Variants in GP9 observed in about 807,000 individuals in gnomAD.
The protein encoded by GP9 is platelet glycoprotein IX.
For missense variants in GP9, 228 were observed against 241.8 expected (o/e 0.94, Z 0.38); for synonymous variants, 116 against 116.7 (o/e 0.99, Z 0.04).
the GP9 span, among the ~76,000 whole-genome samples, chr3:129,055,002 C>T: frequency 6.6e-6 from 1 of 152,188 alleles, no homozygotes; most frequent in African/African-American, 2.4e-5. Context: ...CTGGCATGGC[C>T]TTAGGTTCTG....
upstream of GP9, among the ~76,000 whole-genome samples, chr3:129,058,723 G>C (rs1200283088): frequency 6.6e-6 from 1 of 152,234 alleles, no homozygotes; most frequent in African/African-American, 2.4e-5. Flanking sequence ...AAGTGCAGTT[G>C]CCAAAAGCCC....
Position 129,062,337 on chromosome 3 carries a change from T to A in GP9, c.*64T>A, listed in dbSNP as rs1946590450. ...CAGTCCCTGAGGCAGGTCCCCAGAC[T>A]CCACCAAGCCTGGTCAGCCCAAACC... is the stretch of plus-strand genomic sequence containing the variant. On this transcript the variant is annotated 3_prime_UTR_variant, in exon 3 of 3. Coordinates refer to ENST00000307395, the MANE Select transcript of GP9 (RefSeq NM_000174.5). 8.3e-7 allele frequency: 1 copy of A among 1,203,904 alleles called. No homozygotes were observed. The highest frequency in any genetic ancestry group is 1.2e-6 in the Non-Finnish European group (1 of 852,450). 74.6% of individuals were successfully genotyped at this position (1,203,904 alleles called of 1,614,324 possible).
At chr3:129,058,349 C>A (rs1946539720), upstream of GP9, among the ~76,000 whole-genome samples, 1 of 152,258 alleles carries the variant, frequency 6.6e-6, no homozygotes. Context: ...CTTCATCACA[C>A]AGCTCCTGTG....
At chr3:129,059,678 C>T (rs1290879523), upstream of GP9, among the ~76,000 whole-genome samples, 3 of 152,156 alleles carry the variant, frequency 2.0e-5, no homozygotes, top group East Asian at 5.8e-4. Context: ...GGAGGGTGAA[C>T]ACCCAAATCC....
chr3:129,061,310 G>A (rs190209441), intron 1 of GP9, among the ~76,000 whole-genome samples, 184 bp from the exon 2 acceptor site: 3 of 152,292 alleles, frequency 2.0e-5, no homozygotes, highest in Admixed American at 1.3e-4. Flanking sequence ...TAGCTGGTGG[G>A]GGGTGCTGGG....
rs1327773660 is a variant in GP9, at chr3:129,062,238, G to A, written c.499G>A (p.Gly167Ser). 1 of 1,559,192 alleles carries A rather than the reference G, an allele frequency of 6.4e-7. No homozygotes were observed. The highest frequency in any genetic ancestry group is 2.4e-5 in the East Asian group (1 of 42,248). ...CGCGCTGGGCCTGGCTCTTCTGGCT[G>A]GCCTGCTGTGTGCCACCACAGAGGC... The part of the protein sequence containing the change: ...VAALGLALLA[G>S]LLCATTEALD Residue 167 changes from glycine (G) to serine (S), a missense_variant, in exon 3 of 3, where the codon GGC becomes AGC. Transcript: ENST00000307395.
chr3:129,056,780 G>T (rs1171301861), upstream of GP9, among the ~76,000 whole-genome samples: 1 of 152,178 alleles, frequency 6.6e-6, no homozygotes, highest in Non-Finnish European at 1.5e-5. Flanking sequence ...AAATTCCACA[G>T]GGCTCCAGAA....
upstream of GP9, chr3:129,060,732 T>G (rs1351142050): frequency 6.6e-6 from 1 of 152,472 alleles, no homozygotes; most frequent in Non-Finnish European, 1.5e-5. Flanking sequence ...GCTATTTTCA[T>G]CACTTCCTTC....
At chr3:129,061,030 G>A (rs990002465) in intron 1 of GP9, among the ~76,000 whole-genome samples, 180 bp downstream of exon 1, 1 of 152,236 alleles carries the variant, frequency 6.6e-6, no homozygotes, top group African/African-American at 2.4e-5. Context: ...TGTGGGTAGG[G>A]GGAGCTCTGC....
At position 129,061,833 on chromosome 3, in the gene GP9, A is replaced by T; in HGVS notation, c.94A>T (p.Met32Leu). The change falls in exon 3 of 3, where the codon ATG becomes TTG. Residue 32 changes from methionine (M) to leucine (L), a missense_variant. Transcript: ENST00000307395. Reference protein sequence around the residue: ...SPCTCRALETMGLWVDCRGHG... With the variant: ...SPCTCRALETLGLWVDCRGHG... ...ATGTACCTGCCGCGCCCTGGAAACCATGGGGCTGTGGGTGGACTGCAGGGG... is the reference window on the plus strand; with the variant it reads ...ATGTACCTGCCGCGCCCTGGAAACCTTGGGGCTGTGGGTGGACTGCAGGGG... 1 of 1,612,736 alleles carries T rather than the reference A, an allele frequency of 6.2e-7. No individual in the cohort carries two copies. Among genetic ancestry groups the T allele is most frequent in the Non-Finnish European group, 8.5e-7 (1 of 1,179,562 alleles).
In GP9 at chr3:129,062,169, G is replaced by C; in HGVS notation, c.430G>C (p.Val144Leu). The C allele has an allele frequency of 1.3e-6, 2 of 1,578,096 alleles. No individual in the cohort carries two copies. The highest frequency in any genetic ancestry group is 1.7e-6 in the Non-Finnish European group (2 of 1,166,360). ...SCGWQLQASWVRPGVLWDVAL... is the reference protein window; with the variant it reads ...SCGWQLQASWLRPGVLWDVAL... ...TGGCTGGCAGCTGCAGGCGTCCTGGGTGCGCCCGGGGGTCTTGTGGGACGT... is the reference window on the plus strand; with the variant it reads ...TGGCTGGCAGCTGCAGGCGTCCTGGCTGCGCCCGGGGGTCTTGTGGGACGT... Residue 144 changes from valine to leucine, a missense_variant, in exon 3 of 3, where the codon GTG becomes CTG. Coordinates refer to ENST00000307395, the MANE Select transcript of GP9 (RefSeq NM_000174.5).
upstream of GP9, among the ~76,000 whole-genome samples, chr3:129,057,283 T>C (rs1432638164): frequency 6.6e-6 from 1 of 152,124 alleles, no homozygotes; most frequent in Non-Finnish European, 1.5e-5. Flanking sequence ...TACAGAAGGA[T>C]GGAGCTGTGC....
Position 129,062,177 on chromosome 3 carries a change from G to T in GP9, c.438G>T (p.Pro146=), listed in dbSNP as rs767278544. 6.3e-7 allele frequency: 1 copy of T among 1,575,748 alleles called. No individual in the cohort carries two copies. Among genetic ancestry groups the T allele is most frequent in the South Asian group, 1.1e-5 (1 of 87,422 alleles). ...GWQLQASWVR[P]GVLWDVALVA... is the part of the protein sequence containing the mutation. ...AGCTGCAGGCGTCCTGGGTGCGCCC[G>T]GGGGTCTTGTGGGACGTGGCGCTGG... Residue 146 remains proline (P), a synonymous_variant, in exon 3 of 3, where the codon CCG becomes CCT. Transcript: ENST00000307395.
upstream of GP9, among the ~76,000 whole-genome samples, chr3:129,059,373 C>T (rs747677734): frequency 6.6e-6 from 1 of 152,202 alleles, no homozygotes; most frequent in Admixed American, 6.5e-5. Context: ...TCCAGAACCC[C>T]TTACCCACCT....
intron 2 of GP9, 53 bp downstream of exon 2, chr3:129,061,672 T>C: frequency 1.0e-5 from 14 of 1,349,748 alleles, no homozygotes; most frequent in Non-Finnish European, 1.5e-5. Flanking sequence ...GTGCTTGCCG[T>C]CCCTGAGGAT....
At chr3:129,054,856 T>C in the GP9 span, among the ~76,000 whole-genome samples, 1 of 152,228 alleles carries the variant, frequency 6.6e-6, no homozygotes, top group Non-Finnish European at 1.5e-5. Flanking sequence ...TAGTCACATC[T>C]GGTGGAACTG....
chr3:129,054,946 G>A, the GP9 span, among the ~76,000 whole-genome samples: 1 of 152,234 alleles, frequency 6.6e-6, no homozygotes, highest in African/African-American at 2.4e-5. Context: ...GTGGCAGTGA[G>A]AACAGGTTCA....
upstream of GP9, among the ~76,000 whole-genome samples, chr3:129,059,892 C>T (rs1012170544): frequency 6.6e-6 from 1 of 152,198 alleles, no homozygotes; most frequent in African/African-American, 2.4e-5. Flanking sequence ...CGTTTAAAGC[C>T]TCCGTCAGCC....
rs368116821 is a variant in GP9, at chr3:129,062,094, G to A, written c.355G>A (p.Ala119Thr). 3.2e-5 allele frequency: 51 copies of A among 1,605,890 alleles called. No individual in the cohort carries two copies. The highest frequency in any genetic ancestry group is 2.7e-4 in the South Asian group (24 of 90,246). Residue 119 changes from alanine (A) to threonine (T), a missense_variant, in exon 3 of 3, where the codon GCT (alanine) becomes ACT (threonine). Physicochemically the swap from Ala to Thr is moderately conservative, Grantham distance 58. Transcript: ENST00000307395. Reference sequence around the variant, plus strand: ...GGTCCGCTGTGCCAGCCCCAGCCTCGCTGCCCATGGCCCGCTGGGCCGGCT... The same window carrying A: ...GGTCCGCTGTGCCAGCCCCAGCCTCACTGCCCATGGCCCGCTGGGCCGGCT... ...LQVRCASPSL[A>T]AHGPLGRLTG...
Sources: gnomAD v4.1 joint callset for allele counts (sites outside exome capture counted in the v4.1 genomes callset) on GRCh38, gnomAD v4.1.1 for gene constraint, MANE v1.5 for transcripts, NCBI Gene and HGNC (gene_info 2026-07-23, HGNC 2026-07-21) for gene names.